The following TSEN2 variants were observed in gnomAD, a reference collection of about 807,000 sequenced individuals.
The protein encoded by TSEN2 is tRNA-splicing endonuclease subunit Sen2.
TSEN2 carries 54 observed loss-of-function variants against 59.2 expected under a neutral mutation model. The observed-to-expected ratio is 0.91, with a 90% CI of 0.73 to 1.14. The LOEUF (loss-of-function observed/expected upper bound fraction) is 1.14, where lower values mean the gene tolerates loss of function less well. Ranked by LOEUF, TSEN2 falls within the 50% of genes most tolerant of loss-of-function variation. TSEN2 has a pLI of 0.00. For missense variants in TSEN2, 636 were observed against 576.2 expected (o/e 1.10, Z -1.06); for synonymous variants, 195 against 198.2 (o/e 0.98, Z 0.14).
chr3:12,521,786 C>T (rs981056979), intron 8 of TSEN2, among the ~76,000 whole-genome samples: 1 of 152,118 alleles, frequency 6.6e-6, no homozygotes, highest in Non-Finnish European at 1.5e-5. Context: ...CTGAGGCGGG[C>T]TGATCATGAG....
rs751078672 is a variant in TSEN2, at chr3:12,529,810, C to T, written c.1185C>T (p.Leu395=). 1.9e-6 allele frequency: 3 copies of T among 1,614,186 alleles called. No individual in the cohort carries two copies. The East Asian group carries it at 6.7e-5, about 36-fold the overall frequency. Residue 395 remains leucine, a synonymous_variant, in exon 10 of 12, where the codon CTC becomes CTT. Transcript: ENST00000284995. ...ELVDDHFEGS[L]RRPLSWKSLA... is the part of the protein sequence containing the mutation. ...TTGATGACCATTTTGAAGGCTCTCT[C>T]CGCAGGCCTCTCAGTTGGAAGTCCC...
At position 12,490,001 on chromosome 3, in the gene TSEN2, C is replaced by T. The variant is rs1274063415; in HGVS notation, c.189+12C>T. The T allele has an allele frequency of 1.9e-6, 3 of 1,613,476 alleles. No individual in the cohort carries two copies. The highest frequency in any genetic ancestry group is 8.5e-7 in the Non-Finnish European group (1 of 1,179,498). ...AGCTCTATGGGAAAGTAAGTGCAGG[C>T]AGCCTTGGTAAGATTACTTTCAGAC... On this transcript the variant is annotated intron_variant, in intron 2 of 11. Coordinates refer to ENST00000284995, the MANE Select transcript of TSEN2 (RefSeq NM_025265.4).
At chr3:12,501,899 A>G (rs996281301) in intron 4 of TSEN2, among the ~76,000 whole-genome samples, 1 of 152,214 alleles carries the variant, frequency 6.6e-6, no homozygotes, top group African/African-American at 2.4e-5. Flanking sequence ...ACATGAACAC[A>G]TCCCAACAGC....
At chr3:12,524,034 C>G (rs1483148821) in intron 8 of TSEN2, among the ~76,000 whole-genome samples, 1 of 152,218 alleles carries the variant, frequency 6.6e-6, no homozygotes, top group Non-Finnish European at 1.5e-5. Context: ...TACTTAATAT[C>G]ATCCAAATAT....
rs1320710037 is a variant in TSEN2 at position 12,493,396 on chromosome 3, G to A, written c.271+1179G>A. Among the ~76,000 whole-genome samples the A allele has an allele frequency of 3.9e-5, 6 of 152,196 alleles. No individual in the cohort carries two copies. In the East Asian group the frequency reaches 9.7e-4, roughly 24 times the overall value. ...CATTCCCACCAGCAATGCACCAAAG[G>A]TTCCAATTTCTCTACATCCTTGCCA... On this transcript the variant is annotated intron_variant, in intron 3 of 11. Coordinates refer to ENST00000284995, the MANE Select transcript of TSEN2 (RefSeq NM_025265.4).
rs2056076352 is a variant in TSEN2, at chr3:12,516,331, C to T, written c.910-280C>T. Among the ~76,000 whole-genome samples, 7 of 152,230 alleles carry T rather than the reference C, an allele frequency of 4.6e-5. No homozygotes were observed. In the South Asian group the frequency reaches 1.5e-3, roughly 32 times the overall value. ...GTCCCAGCTACTCGGGAGGCTGAGG[C>T]AGGAGAATGGTGTGAACCCAGGAGG... is the stretch of plus-strand genomic sequence containing the variant. On this transcript the variant is annotated intron_variant, in intron 6 of 11. Coordinates refer to ENST00000284995, the MANE Select transcript of TSEN2 (RefSeq NM_025265.4).
At chr3:12,513,429 A>T (rs2055710107) in intron 6 of TSEN2, among the ~76,000 whole-genome samples, 1 of 152,202 alleles carries the variant, frequency 6.6e-6, no homozygotes, top group Non-Finnish European at 1.5e-5. Context: ...AGTTCCAGAA[A>T]GGAGGAAAAC....
At chr3:12,532,555 A>G (rs1390055378) in intron 11 of TSEN2, 107 bp from the exon 12 acceptor site, 6 of 1,066,480 alleles carry the variant, frequency 5.6e-6, no homozygotes, top group South Asian at 1.3e-5. Context: ...CAGTATCATC[A>G]TTATATAGAC....
At chr3:12,505,040 C>G (rs942896109) in intron 5 of TSEN2, 114 bp from the exon 6 acceptor site, 12 of 739,342 alleles carry the variant, frequency 1.6e-5, no homozygotes, top group East Asian at 2.7e-5. Context: ...AATATTAACA[C>G]AATAGAATGT....
At chr3:12,502,930 G>A (rs1203487982) in intron 4 of TSEN2, among the ~76,000 whole-genome samples, 1 of 151,952 alleles carries the variant, frequency 6.6e-6, no homozygotes, top group African/African-American at 2.4e-5. Context: ...AAATTAGCCA[G>A]GTGTGTTAGC....
chr3:12,517,300 A>G (rs1043229737), intron 7 of TSEN2, among the ~76,000 whole-genome samples: 3 of 144,460 alleles, frequency 2.1e-5, no homozygotes, highest in African/African-American at 5.2e-5. Flanking sequence ...GGAGGTTGCA[A>G]TGAGCCGAGA....
At chr3:12,516,446 A>ATGTG (rs68107346) in intron 6 of TSEN2, among the ~76,000 whole-genome samples, 165 bp from the exon 7 acceptor site, 47 of 126,554 alleles carry the variant, frequency 3.7e-4, no homozygotes, top group South Asian at 3.7e-3. Context: ...AACAAAATAT[A>ATGTG]TGTGTGTGTG....
At chr3:12,529,913 A>G in intron 10 of TSEN2, 40 bp downstream of exon 10, 1 of 1,594,980 alleles carries the variant, frequency 6.3e-7, no homozygotes, top group Non-Finnish European at 8.5e-7. Context: ...TGTCACTTAA[A>G]TGGTTCAGTT....
intron 1 of TSEN2, among the ~76,000 whole-genome samples, 192 bp downstream of exon 1, chr3:12,485,072 C>G (rs1000120375): frequency 6.6e-6 from 1 of 152,190 alleles, no homozygotes; most frequent in Non-Finnish European, 1.5e-5. Context: ...GGCTTATTCT[C>G]AGGTTCTAAC....
intron 8 of TSEN2, among the ~76,000 whole-genome samples, chr3:12,520,431 A>T (rs1166691322): frequency 1.3e-5 from 2 of 152,240 alleles, no homozygotes; most frequent in South Asian, 4.1e-4. Context: ...AATGTCTGAC[A>T]GTACTGCCTC....
upstream of TSEN2, among the ~76,000 whole-genome samples, chr3:12,481,573 G>A (rs1222092103): frequency 6.6e-6 from 1 of 152,134 alleles, no homozygotes; most frequent in Non-Finnish European, 1.5e-5. Context: ...GCTGTCTGGT[G>A]TTCCCCACCC....
At chr3:12,512,614 G>A (rs1456661623) in intron 6 of TSEN2, among the ~76,000 whole-genome samples, 1 of 152,224 alleles carries the variant, frequency 6.6e-6, no homozygotes, top group Non-Finnish European at 1.5e-5. Context: ...ACAGTGACTA[G>A]ATCACATTAG....
intron 4 of TSEN2, among the ~76,000 whole-genome samples, chr3:12,500,912 G>C (rs2054222098): frequency 6.6e-6 from 1 of 152,164 alleles, no homozygotes; most frequent in South Asian, 2.1e-4. Flanking sequence ...AGATCTTCTG[G>C]TCAAAGGAGG....
chr3:12,536,776 G>T (rs2057681788), downstream of TSEN2, among the ~76,000 whole-genome samples: 1 of 152,022 alleles, frequency 6.6e-6, no homozygotes, highest in African/African-American at 2.4e-5. Flanking sequence ...CGAGACGGGT[G>T]GATTGCTTGA....
Sources: allele counts gnomAD v4.1 joint callset (sites outside exome capture counted in the v4.1 genomes callset), GRCh38; gene constraint gnomAD v4.1.1; transcripts MANE v1.5; gene names NCBI Gene and HGNC (gene_info 2026-07-23, HGNC 2026-07-21).